PRTG: variants seen among roughly 807,000 people sequenced by gnomAD.
The protein encoded by PRTG is immunoglobulin superfamily, DCC subclass, member 5.
Under a neutral mutation model 122.5 loss-of-function variants are expected in PRTG, and 67 were observed. The observed-to-expected ratio is 0.55, with a 90% CI of 0.45 to 0.67. The LOEUF (loss-of-function observed/expected upper bound fraction) is 0.67. Ranked by LOEUF, PRTG falls within the 30% of genes least tolerant of loss-of-function variation. PRTG has a pLI of 0.00. For missense variants in PRTG, 1,435 were observed against 1,415.4 expected (o/e 1.01, Z -0.22); for synonymous variants, 554 against 501.1 (o/e 1.11, Z -1.41).
intron 2 of PRTG, among the ~76,000 whole-genome samples, chr15:55,728,953 A>T (rs2031135826): frequency 6.6e-6 from 1 of 152,262 alleles, no homozygotes; most frequent in Non-Finnish European, 1.5e-5. Flanking sequence ...ACACAACAGC[A>T]ATAAAGTAAT....
rs1567092885 is a variant in PRTG, at chr15:55,672,496, C to T, written c.1990G>A (p.Gly664Arg). 6.2e-7 allele frequency: 1 copy of T among 1,614,076 alleles called. No individual in the cohort carries two copies. Among genetic ancestry groups the T allele is most frequent in the Admixed American group, 1.7e-5 (1 of 60,022 alleles). Residue 664 changes from glycine (G) to arginine (R), a missense_variant, in exon 11 of 20, where the codon GGG (glycine) becomes AGG (arginine). Coordinates refer to ENST00000389286, the MANE Select transcript of PRTG (RefSeq NM_173814.6). ...YYKEEGQQEN[G>R]PIFLDTKDLL... ...TCCTTGGTATCCAAGAAAATGGGCC[C>T]ATTCTCCTGCTGCCCTTCTTCCTTG... is the stretch of plus-strand genomic sequence containing the variant.
chr15:55,675,671 TC>T lies in PRTG; in HGVS notation c.1393del (p.Glu465LysfsTer5), dbSNP rs1211050032. The T allele has an allele frequency of 6.4e-7, 1 of 1,560,888 alleles. No individual in the cohort carries two copies. The highest frequency in any genetic ancestry group is 8.8e-7 in the Non-Finnish European group (1 of 1,136,916). On this transcript the variant is annotated frameshift_variant, in exon 9 of 20. Coordinates refer to ENST00000389286, the MANE Select transcript of PRTG (RefSeq NM_173814.6). LOFTEE classifies it high-confidence loss of function. Reference protein sequence around the residue: ...HYMKAEGLNNEEYQVVIGNDT... With the variant: ...HYMKAEGLNNXEYQVVIGNDT... ...ATTTCCGATGACTACTTGATACTCT[TC>T]ATTATTTAAACCTAAATTAAAGAAT...
rs2059128081 is a variant in PRTG, at chr15:55,613,110, G to A, written c.*6902C>T. ...AAAAATTATCCTCATTTCATGGATG[G>A]AGAAGGCACAGAAACAGTTTAAGAA... On this transcript the variant is annotated 3_prime_UTR_variant, in exon 20 of 20. Coordinates refer to ENST00000389286, the MANE Select transcript of PRTG (RefSeq NM_173814.6). The A allele has an allele frequency of 1.3e-5, 2 of 151,968 alleles. No individual in the cohort carries two copies. The highest frequency in any genetic ancestry group is 2.9e-5 in the Non-Finnish European group (2 of 67,924). The allele number at this position is 151,968 out of a possible 1,614,324, so 9.4% of individuals were successfully genotyped here.
At chr15:55,673,933 T>A (rs912912824) in intron 9 of PRTG, among the ~76,000 whole-genome samples, 2 of 152,164 alleles carry the variant, frequency 1.3e-5, no homozygotes, top group South Asian at 4.1e-4. Context: ...TTGGAATGAA[T>A]ATGAGAATAT....
At chr15:55,685,487 T>TG (rs752558693) in intron 2 of PRTG, among the ~76,000 whole-genome samples, 26 of 152,168 alleles carry the variant, frequency 1.7e-4, no homozygotes, top group Non-Finnish European at 3.8e-4. Context: ...TCTCTTGTCT[T>TG]GAATATACGG....
chr15:55,643,345 C>G (rs2059303009), intron 11 of PRTG, among the ~76,000 whole-genome samples: 1 of 152,144 alleles, frequency 6.6e-6, no homozygotes, highest in African/African-American at 2.4e-5. Flanking sequence ...TAGAAAATGT[C>G]TTTTGGATAC....
chr15:55,705,273 T>G (rs947666672), intron 2 of PRTG, among the ~76,000 whole-genome samples: 1 of 152,198 alleles, frequency 6.6e-6, no homozygotes, highest in South Asian at 2.1e-4. Context: ...ATTCTCCCAG[T>G]AGGACACATA....
intron 2 of PRTG, among the ~76,000 whole-genome samples, chr15:55,706,582 CAAAAAAA>C (rs59227432): frequency 0.26 from 25,473 of 99,418 alleles, 3,149 homozygotes; most frequent in East Asian, 0.67. Context: ...TTGTCTCTAC[CAAAAAAA>C]AAAAAAAAAA....
At chr15:55,665,265 A>C (rs538878007) in intron 11 of PRTG, among the ~76,000 whole-genome samples, 1 of 152,124 alleles carries the variant, frequency 6.6e-6, no homozygotes, top group Non-Finnish European at 1.5e-5. Context: ...GTCTCAAAAA[A>C]AAGAAAAAGA....
intron 11 of PRTG, among the ~76,000 whole-genome samples, chr15:55,654,477 T>C (rs2059369748): frequency 1.3e-5 from 2 of 152,198 alleles, no homozygotes; most frequent in Admixed American, 1.3e-4. Flanking sequence ...TGCCGTATCC[T>C]GGGATAATTA....
At chr15:55,675,107 A>T (rs964275488) in intron 9 of PRTG, among the ~76,000 whole-genome samples, 1 of 152,124 alleles carries the variant, frequency 6.6e-6, no homozygotes, top group African/African-American at 2.4e-5. Flanking sequence ...ACTAAGTGCT[A>T]AGAATTTTTT....
intron 2 of PRTG, among the ~76,000 whole-genome samples, chr15:55,728,103 C>A (rs1595681120): frequency 6.6e-6 from 1 of 152,168 alleles, no homozygotes; most frequent in African/African-American, 2.4e-5. Flanking sequence ...TGAGCTCAGG[C>A]AATCCGCCCA....
At chr15:55,639,175 A>G (rs1267562212) in intron 13 of PRTG, among the ~76,000 whole-genome samples, 1 of 152,162 alleles carries the variant, frequency 6.6e-6, no homozygotes, top group African/African-American at 2.4e-5. Flanking sequence ...GGATCTGGCT[A>G]TGTTGCCCAG....
chr15:55,726,501 TA>T (rs2031035654), intron 2 of PRTG, among the ~76,000 whole-genome samples: 1 of 151,634 alleles, frequency 6.6e-6, no homozygotes, highest in Non-Finnish European at 1.5e-5. Context: ...AGACTTTAAG[TA>T]AAAACTGTCA....
intron 11 of PRTG, among the ~76,000 whole-genome samples, chr15:55,669,145 A>G (rs1454706335): frequency 6.6e-6 from 1 of 152,154 alleles, no homozygotes; most frequent in African/African-American, 2.4e-5. Flanking sequence ...TACTTTTTAA[A>G]TTAAAAACTT....
chr15:55,742,656 C>T, intron 1 of PRTG, 182 bp downstream of exon 1: 1 of 685,156 alleles, frequency 1.5e-6, no homozygotes, highest in Non-Finnish European at 2.4e-6. Flanking sequence ...CCGCAAGCAA[C>T]TAGTGTCTGC....
chr15:55,668,781 T>G (rs1431410867), intron 11 of PRTG, among the ~76,000 whole-genome samples: 1 of 152,308 alleles, frequency 6.6e-6, no homozygotes, highest in South Asian at 2.1e-4. Flanking sequence ...ATTTATACTA[T>G]GAAAGACACA....
intron 2 of PRTG, among the ~76,000 whole-genome samples, chr15:55,721,041 C>T (rs1312024925): frequency 6.6e-6 from 1 of 152,100 alleles, no homozygotes; most frequent in African/African-American, 2.4e-5. Context: ...TGCTTCTCCT[C>T]CTGAATTTTC....
At position 55,618,038 on chromosome 15, in the gene PRTG, G is replaced by C. The variant is rs1252736280; in HGVS notation, c.*1974C>G. ...CTTTAAAAGGAGGTAGTATAAAACA[G>C]GAGCTATAAAGGCAGGAGCAGCATT... On this transcript the variant is annotated 3_prime_UTR_variant, in exon 20 of 20. Coordinates refer to ENST00000389286, the MANE Select transcript of PRTG (RefSeq NM_173814.6). 1 of 152,118 alleles carries C rather than the reference G, an allele frequency of 6.6e-6. No individual in the cohort carries two copies. The highest frequency in any genetic ancestry group is 6.6e-5 in the Admixed American group (1 of 15,264). The allele number at this position is 152,118 out of a possible 1,614,324, so 9.4% of individuals were successfully genotyped here.
Sources: gnomAD v4.1 joint callset for allele counts (sites outside exome capture counted in the v4.1 genomes callset) on GRCh38, gnomAD v4.1.1 for gene constraint, MANE v1.5 for transcripts, NCBI Gene and HGNC (gene_info 2026-07-23, HGNC 2026-07-21) for gene names.